ADGRL1: variants seen among roughly 807,000 people sequenced by gnomAD.
The protein encoded by ADGRL1 is adhesion G protein-coupled receptor L1, also known as CIRL-1.
A neutral mutation model predicts 148.9 loss-of-function variants in ADGRL1; 31 were observed. That is an observed-to-expected ratio of 0.21 (90% CI 0.16 to 0.28). The LOEUF is 0.28. ADGRL1 is among the 10% of genes least tolerant of loss of function. ADGRL1 has a pLI of 1.00. For synonymous variants in ADGRL1, 937 were observed against 900.3 expected, an observed-to-expected ratio of 1.04 and a Z score of -0.73; for missense variants, 1,521 against 2,058.8, an observed-to-expected ratio of 0.74 and a Z score of 5.05.
intron 1 of ADGRL1, chr19:14,190,964 T>C (rs1971893222): frequency 2.5e-6 from 1 of 398,962 alleles, no homozygotes; most frequent in Non-Finnish European, 5.1e-6. Context: ...GGCGGGGACC[T>C]GTAATCTCAG....
In ADGRL1 at chr19:14,159,601, C is replaced by T. The variant is rs1447948879; in HGVS notation, c.1840-17G>A. On this transcript the variant is annotated splice_polypyrimidine_tract_variant and intron_variant, in intron 9 of 22. Transcript: ENST00000361434. This position sits in a 1 kb window ranked among gnomAD's most constrained non-coding sequence, Gnocchi z 6.0. The stretch of plus-strand genomic sequence containing the variant: ...CACCACGGCCTGCACAGGCAGAGGG[C>T]ATGGTGCTGTGAGCCCCCCAACACC... The T allele has an allele frequency of 6.3e-7, 1 of 1,593,172 alleles. No individual in the cohort carries two copies. The highest frequency in any genetic ancestry group is 1.7e-5 in the Admixed American group (1 of 59,358).
chr19:14,195,431 C>G (rs1972196799), intron 1 of ADGRL1, among the ~76,000 whole-genome samples: 2 of 135,158 alleles, frequency 1.5e-5, no homozygotes, highest in South Asian at 4.5e-4. Context: ...TGGCAACCCT[C>G]TGCGTGCTCG....
At chr19:14,177,155 C>T (rs1204449875) in intron 3 of ADGRL1, among the ~76,000 whole-genome samples, 1 of 152,078 alleles carries the variant, frequency 6.6e-6, no homozygotes, top group African/African-American at 2.4e-5. Flanking sequence ...CGCCTAAACC[C>T]AGGAGGTGGA....
rs1362890926 is a variant in ADGRL1, at chr19:14,160,286, C to A, written c.1626G>T (p.Gly542=). Reference sequence around the variant, plus strand: ...CGCTGGCGATGTTGGCCGCGTTCTCCCCACTCTTGATCTGCATGAGGTGGG... The same window carrying A: ...CGCTGGCGATGTTGGCCGCGTTCTCACCACTCTTGATCTGCATGAGGTGGG... ...VNQVAQKIKS[G]ENAANIASEL... is the part of the protein sequence containing the mutation. The change falls in exon 8 of 23, where the codon GGG becomes GGT. Residue 542 remains glycine (G), a synonymous_variant. Coordinates refer to ENST00000361434, the MANE Select transcript of ADGRL1 (RefSeq NM_014921.5). The surrounding 1 kb of genome is among the most constrained non-coding windows in gnomAD (Gnocchi z 5.9). 4 of 1,591,572 alleles carry A rather than the reference C, an allele frequency of 2.5e-6. No homozygotes were observed. In the African/African-American group the frequency reaches 5.4e-5, roughly 21 times the overall value.
In ADGRL1 at chr19:14,165,556, C is replaced by T. The variant is rs12460128; in HGVS notation, c.395-2150G>A. On this transcript the variant is annotated intron_variant, in intron 4 of 22. Coordinates refer to ENST00000361434, the MANE Select transcript of ADGRL1 (RefSeq NM_014921.5). ...TTCACCAGCACCAAACTCCCAATCC[C>T]TCCTCTTCCCTCCCTTGCCCCGTCA... is the stretch of plus-strand genomic sequence containing the variant. Among the ~76,000 whole-genome samples, 5 of 152,304 alleles carry T rather than the reference C, an allele frequency of 3.3e-5. No homozygotes were observed. The East Asian group carries it at 5.8e-4, about 18-fold the overall frequency.
chr19:14,160,791 G>C lies in ADGRL1; in HGVS notation c.1511-95C>G, dbSNP rs1208695097. 2 of 754,718 alleles carry C rather than the reference G, an allele frequency of 2.7e-6. No homozygotes were observed. The highest frequency in any genetic ancestry group is 2.6e-5 in the East Asian group (1 of 38,934). The allele number at this position is 754,718 out of a possible 1,614,324, so 46.8% of individuals were successfully genotyped here. A position where few individuals can be genotyped will look rare whatever the true frequency, so the allele number is the denominator to read the frequency against. ...GGGAAAGGAGATGACAGAGAGTGGG[G>C]GACGAGCGGGCGAAGAGGGAGGTGA... On this transcript the variant is annotated intron_variant, in intron 6 of 22. Coordinates refer to ENST00000361434, the MANE Select transcript of ADGRL1 (RefSeq NM_014921.5). The surrounding 1 kb of genome is among the most constrained non-coding windows in gnomAD (Gnocchi z 5.9).
At chr19:14,190,055 G>A (rs1238027291) in intron 1 of ADGRL1, among the ~76,000 whole-genome samples, 1 of 152,048 alleles carries the variant, frequency 6.6e-6, no homozygotes, top group Non-Finnish European at 1.5e-5. Flanking sequence ...AGCCTCCTAA[G>A]TGGCCGGGGC....
chr19:14,202,126 G>C (rs971399056), intron 1 of ADGRL1, among the ~76,000 whole-genome samples: 3 of 152,104 alleles, frequency 2.0e-5, no homozygotes, highest in Non-Finnish European at 2.9e-5. Flanking sequence ...AGACCATGAA[G>C]GGCCAGACCC....
At position 14,149,922 on chromosome 19, in the gene ADGRL1, C is replaced by CTTTTTTTTTTTTTTTTTCTTTTTTTT. The variant is rs71170598; in HGVS notation, c.*950_*951insAAAAAAAAGAAAAAAAAAAAAAAAAA. On this transcript the variant is annotated 3_prime_UTR_variant, in exon 23 of 23. Transcript: ENST00000361434. Reference sequence around the variant, plus strand: ...CAAGTGATGAGATTTTTTTTCTTTTCTTTTTTTTTTTTTTTGTCTTTTTTT... The same window carrying CTTTTTTTTTTTTTTTTTCTTTTTTTT: ...CAAGTGATGAGATTTTTTTTCTTTTCTTTTTTTTTTTTTTTTTCTTTTTTTTTTTTTTTTTTTTTTTGTCTTTTTTT... 1 of 122,724 alleles carries CTTTTTTTTTTTTTTTTTCTTTTTTTT rather than the reference C, an allele frequency of 8.1e-6. No homozygotes were observed. The allele number at this position is 122,724 out of a possible 1,614,324, so 7.6% of individuals were successfully genotyped here.
intron 1 of ADGRL1, among the ~76,000 whole-genome samples, chr19:14,201,335 G>A (rs1279073103): frequency 1.4e-5 from 2 of 142,738 alleles, no homozygotes; most frequent in African/African-American, 5.2e-5. Flanking sequence ...GGGGGGGCAA[G>A]GTTATTTTTG....
Position 14,159,233 on chromosome 19 carries a change from G to C in ADGRL1, c.2024-18C>G, listed in dbSNP as rs538002323. 21 of 1,613,798 alleles carry C rather than the reference G, an allele frequency of 1.3e-5. No individual in the cohort carries two copies. The South Asian group carries it at 2.3e-4, about 18-fold the overall frequency. On this transcript the variant is annotated intron_variant, in intron 10 of 22. Transcript: ENST00000361434. The surrounding 1 kb of genome is among the most constrained non-coding windows in gnomAD (Gnocchi z 6.0). ...CTCCAGGACTGTGGGGACAGGGGAA[G>C]GCAAGGCATACACAGTTGGGGTCTG...
chr19:14,153,368 C>G (rs1968404577), intron 18 of ADGRL1, among the ~76,000 whole-genome samples: 1 of 150,514 alleles, frequency 6.6e-6, no homozygotes, highest in African/African-American at 2.4e-5. Flanking sequence ...AAAACTATGG[C>G]CAGAAAGGGG....
chr19:14,174,002 T>A (rs928223235), intron 3 of ADGRL1, among the ~76,000 whole-genome samples: 9 of 137,908 alleles, frequency 6.5e-5, no homozygotes, highest in Admixed American at 4.4e-4. Context: ...GCAGTGGGGG[T>A]TGGGGACTCA....
intron 1 of ADGRL1, among the ~76,000 whole-genome samples, chr19:14,204,446 T>C (rs1972826459): frequency 6.6e-6 from 1 of 151,952 alleles, no homozygotes. Flanking sequence ...CACGGAGCTT[T>C]CAGGCTGTGA....
chr19:14,172,209 G>A lies in ADGRL1; in HGVS notation c.285-1418C>T, dbSNP rs150383611. 6.7e-3 allele frequency among the ~76,000 whole-genome samples: 1,014 copies of A among 152,262 alleles called. 18 individuals carry two copies. The highest frequency in any genetic ancestry group is 0.023 in the African/African-American group (975 of 41,546). Reference sequence around the variant, plus strand: ...GGCCAAGGCGGGTGGATCACCTGATGTCAGAAGTTTGAAACCAGCCTGACC... The same window carrying A: ...GGCCAAGGCGGGTGGATCACCTGATATCAGAAGTTTGAAACCAGCCTGACC... On this transcript the variant is annotated intron_variant, in intron 3 of 22. Transcript: ENST00000361434.
intron 4 of ADGRL1, among the ~76,000 whole-genome samples, chr19:14,166,010 C>A (rs958637985): frequency 6.6e-6 from 1 of 152,234 alleles, no homozygotes; most frequent in East Asian, 1.9e-4. Flanking sequence ...CCGCTCCCCC[C>A]AATAACAGCC....
intron 2 of ADGRL1, among the ~76,000 whole-genome samples, chr19:14,181,468 C>T (rs1042277712): frequency 1.3e-5 from 2 of 152,128 alleles, no homozygotes; most frequent in Non-Finnish European, 2.9e-5. Context: ...CCTGTAATCC[C>T]AGCACTTTGG....
At chr19:14,190,237 T>C (rs944346598) in intron 1 of ADGRL1, among the ~76,000 whole-genome samples, 3 of 151,956 alleles carry the variant, frequency 2.0e-5, no homozygotes, top group African/African-American at 4.8e-5. Context: ...CTATTATTAA[T>C]TATAGTCACC....
intron 1 of ADGRL1, chr19:14,191,646 G>A (rs561038349): frequency 2.7e-6 from 1 of 369,120 alleles, no homozygotes; most frequent in Non-Finnish European, 5.4e-6. Flanking sequence ...TCCTCACAGG[G>A]CCTCTTCTCT....
Sources: allele counts gnomAD v4.1 joint callset (sites outside exome capture counted in the v4.1 genomes callset), GRCh38; gene constraint gnomAD v4.1.1; non-coding constraint Gnocchi (gnomAD v3.1); transcripts MANE v1.5; gene names NCBI Gene and HGNC (gene_info 2026-07-23, HGNC 2026-07-21).